Variants in PTPRG observed in about 807,000 individuals in gnomAD.
The protein encoded by PTPRG is protein tyrosine phosphatase receptor type G.
PTPRG carries 102 observed loss-of-function variants against 165.3 expected under a neutral mutation model. The observed-to-expected ratio is 0.62, with a 90% CI of 0.53 to 0.73. The LOEUF (loss-of-function observed/expected upper bound fraction) is 0.73. Among genes scored for constraint, PTPRG ranks in the 30% least tolerant of loss-of-function variants. PTPRG has a pLI of 0.00. For synonymous variants in PTPRG, 675 were observed against 669.5 expected (o/e 1.01, Z -0.13); for missense variants, 1,866 against 1,861.4 (o/e 1.00, Z -0.05).
At chr3:61,669,205 A>G (rs1702896640) in intron 1 of PTPRG, among the ~76,000 whole-genome samples, 1 of 152,174 alleles carries the variant, frequency 6.6e-6, no homozygotes. Context: ...AAGTATGAGC[A>G]GAAGTGTTTG....
chr3:61,573,226 T>G (rs895389169), intron 1 of PTPRG, among the ~76,000 whole-genome samples: 2 of 152,044 alleles, frequency 1.3e-5, no homozygotes, highest in Admixed American at 1.3e-4. Context: ...TTTCTTGTTA[T>G]CAGATGGCCC....
chr3:61,578,286 C>T (rs1223213886), intron 1 of PTPRG, among the ~76,000 whole-genome samples: 1 of 152,184 alleles, frequency 6.6e-6, no homozygotes, highest in Non-Finnish European at 1.5e-5. Context: ...TGCACACGGC[C>T]TGCGGAAGCT....
At chr3:61,802,849 G>A (rs570776178) in intron 2 of PTPRG, among the ~76,000 whole-genome samples, 2 of 152,072 alleles carry the variant, frequency 1.3e-5, no homozygotes, top group Non-Finnish European at 2.9e-5. Flanking sequence ...CCAGTATAAA[G>A]GTAATTCAAG....
At position 61,963,286 on chromosome 3, in the gene PTPRG, T is replaced by C. The variant is rs988870190; in HGVS notation, c.191-26339T>C. The stretch of plus-strand genomic sequence containing the variant: ...AACTTTCATCATATTTTCAAAGTCA[T>C]CTATGACCCCCAAAAAGGGTAAAAA... On this transcript the variant is annotated intron_variant, in intron 2 of 29. Transcript: ENST00000474889. Among the ~76,000 whole-genome samples, 10 of 152,246 alleles carry C rather than the reference T, an allele frequency of 6.6e-5. No homozygotes were observed. The East Asian group carries it at 1.7e-3, about 26-fold the overall frequency.
At chr3:62,125,569 G>C (rs915509521) in intron 5 of PTPRG, among the ~76,000 whole-genome samples, 1 of 152,134 alleles carries the variant, frequency 6.6e-6, no homozygotes, top group African/African-American at 2.4e-5. Context: ...TTATTAACAA[G>C]GGAAAGTCAA....
At position 61,728,584 on chromosome 3, in the gene PTPRG, A is replaced by C. The variant is rs74723964; in HGVS notation, c.86-20294A>C. Among the ~76,000 whole-genome samples the C allele has an allele frequency of 2.9e-3, 442 of 152,266 alleles. 3 individuals are homozygous for C. In the East Asian group the frequency reaches 0.042, roughly 14 times the overall value. On this transcript the variant is annotated intron_variant, in intron 1 of 29. Coordinates refer to ENST00000474889, the MANE Select transcript of PTPRG (RefSeq NM_002841.4). ...GAAGACAGAGCAAGACCTTGTCTCA[A>C]AAAAAACAAGTTAAAAAAGAAAAAG...
At chr3:61,658,957 C>G (rs963539679) in intron 1 of PTPRG, among the ~76,000 whole-genome samples, 3 of 152,186 alleles carry the variant, frequency 2.0e-5, no homozygotes, top group Non-Finnish European at 4.4e-5. Context: ...AGCACTGGTT[C>G]TCATGGCTTG....
At chr3:61,957,382 T>A (rs2040056257) in intron 2 of PTPRG, among the ~76,000 whole-genome samples, 1 of 152,258 alleles carries the variant, frequency 6.6e-6, no homozygotes, top group Non-Finnish European at 1.5e-5. Flanking sequence ...TTCATGGTGA[T>A]CAATATTTCT....
At chr3:61,880,248 C>G (rs146112915) in intron 2 of PTPRG, among the ~76,000 whole-genome samples, 381 of 152,310 alleles carry the variant, frequency 2.5e-3, no homozygotes, top group African/African-American at 8.8e-3. Context: ...AAGAAATTGA[C>G]AAATGTAAAA....
chr3:61,992,329 T>C (rs1379386623), intron 3 of PTPRG, among the ~76,000 whole-genome samples: 1 of 152,112 alleles, frequency 6.6e-6, no homozygotes, highest in Non-Finnish European at 1.5e-5. Flanking sequence ...TTGTATTGTT[T>C]TGTTTTAACA....
chr3:61,895,734 A>G (rs1226417195), intron 2 of PTPRG, among the ~76,000 whole-genome samples: 3 of 152,222 alleles, frequency 2.0e-5, no homozygotes, highest in Non-Finnish European at 4.4e-5. Flanking sequence ...GAAGTTTCCT[A>G]TTTAGTGATG....
chr3:62,120,477 G>A (rs1703025791), intron 5 of PTPRG, among the ~76,000 whole-genome samples: 1 of 72,752 alleles, frequency 1.4e-5, no homozygotes, highest in Non-Finnish European at 3.6e-5. Context: ...AAGGCCAGGT[G>A]CAGTGGCTCA....
Position 62,237,107 on chromosome 3 carries a change from G to C in PTPRG, c.2375+5796G>C, listed in dbSNP as rs766981675. Reference sequence around the variant, plus strand: ...AATATTGGTCACTAAATTATTTCCAGGTTCTTGTCAGAAGGGCAGAAAAAG... The same window carrying C: ...AATATTGGTCACTAAATTATTTCCACGTTCTTGTCAGAAGGGCAGAAAAAG... On this transcript the variant is annotated intron_variant, in intron 14 of 29. Transcript: ENST00000474889. This position sits in a 1 kb window ranked among gnomAD's most constrained non-coding sequence, Gnocchi z 4.5. Among the ~76,000 whole-genome samples the C allele has an allele frequency of 7.9e-5, 12 of 152,082 alleles. No individual in the cohort carries two copies. Among genetic ancestry groups the C allele is most frequent in the Non-Finnish European group, 1.6e-4 (11 of 68,018 alleles).
At chr3:62,122,470 C>G (rs1703111698) in intron 5 of PTPRG, among the ~76,000 whole-genome samples, 1 of 152,130 alleles carries the variant, frequency 6.6e-6, no homozygotes, top group African/African-American at 2.4e-5. Context: ...AGTAAAACTA[C>G]CCCCTCTTAA....
chr3:61,658,493 C>T (rs1702572078), intron 1 of PTPRG, among the ~76,000 whole-genome samples: 1 of 152,126 alleles, frequency 6.6e-6, no homozygotes, highest in African/African-American at 2.4e-5. Context: ...AATTTGAGCT[C>T]CTTTTTCTAT....
chr3:61,960,470 T>G (rs1374423798), intron 2 of PTPRG, among the ~76,000 whole-genome samples: 2 of 152,192 alleles, frequency 1.3e-5, no homozygotes, highest in African/African-American at 4.8e-5. Flanking sequence ...GGGGTGATTT[T>G]TCTGCATCAT....
At chr3:62,121,054 C>A (rs1234305689) in intron 5 of PTPRG, among the ~76,000 whole-genome samples, 1 of 151,728 alleles carries the variant, frequency 6.6e-6, no homozygotes, top group Non-Finnish European at 1.5e-5. Context: ...ATGCCATTCT[C>A]CTGCCTCAGC....
chr3:62,231,262 C>G lies in PTPRG; in HGVS notation c.2326C>G (p.Arg776Gly), dbSNP rs141787038. ...NKIKSKGFPR[R>G]FREVPSSGER... ...AATAAAGTCCAAGGGCTTTCCCAGACGTTTCCGTGAAGTGCCTTCTTCTGG... is the reference window on the plus strand; with the variant it reads ...AATAAAGTCCAAGGGCTTTCCCAGAGGTTTCCGTGAAGTGCCTTCTTCTGG... The change falls in exon 14 of 30, where the codon CGT becomes GGT. Residue 776 changes from arginine to glycine, a missense_variant. Physicochemically the swap from Arg to Gly is moderately radical, Grantham distance 125. Coordinates refer to ENST00000474889, the MANE Select transcript of PTPRG (RefSeq NM_002841.4). 1.3e-6 allele frequency: 2 copies of G among 1,593,718 alleles called. No homozygotes were observed. Among genetic ancestry groups the G allele is most frequent in the East Asian group, 2.3e-5 (1 of 43,388 alleles).
chr3:62,077,753 C>T (rs1010577697), intron 4 of PTPRG, among the ~76,000 whole-genome samples: 1 of 152,022 alleles, frequency 6.6e-6, no homozygotes, highest in African/African-American at 2.4e-5. Context: ...CCTGTAATCC[C>T]AGCACTTTGG....
Sources: allele counts gnomAD v4.1 joint callset (sites outside exome capture counted in the v4.1 genomes callset), GRCh38; gene constraint gnomAD v4.1.1; non-coding constraint Gnocchi (gnomAD v3.1); transcripts MANE v1.5; gene names NCBI Gene and HGNC (gene_info 2026-07-23, HGNC 2026-07-21).